PIP5K1C: variants seen among roughly 807,000 people sequenced by gnomAD.
The protein encoded by PIP5K1C is phosphatidylinositol 4-phosphate 5-kinase type-1 gamma.
A neutral mutation model predicts 80.1 loss-of-function variants in PIP5K1C; 45 were observed. That is an observed-to-expected ratio of 0.56 (90% CI 0.44 to 0.72). PIP5K1C has a LOEUF of 0.72. PIP5K1C is among the 30% of genes least tolerant of loss of function. PIP5K1C has a pLI of 0.00. For synonymous variants in PIP5K1C, 498 were observed against 420.1 expected (o/e 1.19, Z -2.27); for missense variants, 753 against 954.6 (o/e 0.79, Z 2.78).
At chr19:3,685,795 T>C (rs570223319) in intron 1 of PIP5K1C, among the ~76,000 whole-genome samples, 32 of 152,258 alleles carry the variant, frequency 2.1e-4, no homozygotes, top group African/African-American at 7.7e-4. Flanking sequence ...GTCTGGCTCC[T>C]TAAGTGCTAC....
chr19:3,700,288 G>A lies in PIP5K1C; in HGVS notation c.94+9C>T, dbSNP rs1172360123. The A allele has an allele frequency of 1.6e-6, 2 of 1,268,090 alleles. No homozygotes were observed. Among genetic ancestry groups the A allele is most frequent in the African/African-American group, 3.2e-5 (2 of 63,076 alleles). The allele number at this position is 1,268,090 out of a possible 1,614,324, so 78.6% of individuals were successfully genotyped here. Reference sequence around the variant, plus strand: ...AGCGGGCCGCAGCCCCGGGAGGCCGGGCCGTTACCTGCCGCCGCCCCGCTC... The same window carrying A: ...AGCGGGCCGCAGCCCCGGGAGGCCGAGCCGTTACCTGCCGCCGCCCCGCTC... On this transcript the variant is annotated intron_variant, in intron 1 of 17. Transcript: ENST00000335312.
intron 7 of PIP5K1C, among the ~76,000 whole-genome samples, chr19:3,652,430 G>A (rs1182715872): frequency 6.6e-6 from 1 of 152,220 alleles, no homozygotes; most frequent in Non-Finnish European, 1.5e-5. Flanking sequence ...TAGCCTCAAG[G>A]CCCCTGAGTG....
chr19:3,638,921 G>A lies in PIP5K1C; in HGVS notation c.1883C>T (p.Ser628Leu), dbSNP rs760888987. 4.3e-6 allele frequency: 7 copies of A among 1,612,582 alleles called. No individual in the cohort carries two copies. Among genetic ancestry groups the A allele is most frequent in the Non-Finnish European group, 5.9e-6 (7 of 1,179,920 alleles). ...GGTGGCGGGCGCGTCCTCCTCGTCC[G>A]AGGCCTGGCTGGCAGGTGCGCCCTC... ...DEEGAPASQA[S>L]DEEDAPATDI... Residue 628 changes from serine (S) to leucine (L), a missense_variant, in exon 16 of 18, where the codon TCG becomes TTG. Transcript: ENST00000335312.
At chr19:3,689,371 C>A (rs775029386) in intron 1 of PIP5K1C, among the ~76,000 whole-genome samples, 1 of 152,278 alleles carries the variant, frequency 6.6e-6, no homozygotes, top group East Asian at 1.9e-4. Flanking sequence ...CACAAACAGG[C>A]CTGGCGCAGT....
At chr19:3,638,608 CAG>C (rs1412999391) in intron 16 of PIP5K1C, among the ~76,000 whole-genome samples, 2 of 152,184 alleles carry the variant, frequency 1.3e-5, no homozygotes, top group Non-Finnish European at 2.9e-5. Flanking sequence ...GGGAAGGGGA[CAG>C]GGGTGGCTCT....
intron 1 of PIP5K1C, chr19:3,668,295 G>C (rs1259972374): frequency 2.0e-5 from 3 of 152,184 alleles, no homozygotes; most frequent in African/African-American, 7.2e-5. Context: ...TGGAGAACGG[G>C]AACAGACTCT....
chr19:3,677,190 C>A (rs1170338122), intron 1 of PIP5K1C, among the ~76,000 whole-genome samples: 2 of 152,030 alleles, frequency 1.3e-5, no homozygotes, highest in East Asian at 3.9e-4. Context: ...ACCACAAGAC[C>A]AGGGGTGTGG....
intron 15 of PIP5K1C, among the ~76,000 whole-genome samples, chr19:3,640,187 G>A (rs2033902306): frequency 1.3e-5 from 2 of 152,306 alleles, no homozygotes; most frequent in South Asian, 4.1e-4. Context: ...GTGCAAGCAT[G>A]GGATTATACA....
At chr19:3,683,775 C>T (rs2035663865) in intron 1 of PIP5K1C, among the ~76,000 whole-genome samples, 1 of 152,136 alleles carries the variant, frequency 6.6e-6, no homozygotes, top group African/African-American at 2.4e-5. Context: ...GTACGGAGGC[C>T]CCGGGGCAGG....
intron 1 of PIP5K1C, among the ~76,000 whole-genome samples, chr19:3,677,440 G>T (rs1163489183): frequency 6.6e-6 from 1 of 151,782 alleles, no homozygotes; most frequent in Non-Finnish European, 1.5e-5. Flanking sequence ...AAAATTAGGC[G>T]GGTGTGGTGG....
chr19:3,643,277 A>G lies in PIP5K1C; in HGVS notation c.1615T>C (p.Ser539Pro), dbSNP rs79423827. 6.2e-7 allele frequency: 1 copy of G among 1,613,634 alleles called. No homozygotes were observed. The highest frequency in any genetic ancestry group is 8.5e-7 in the Non-Finnish European group (1 of 1,179,898). The change falls in exon 13 of 18, where the codon TCC (serine) becomes CCC (proline). Residue 539 changes from serine to proline, a missense_variant. By Grantham distance (74) the Ser-to-Pro change is moderately conservative. This residue lies in a region of PIP5K1C where 315 missense variants were observed against 294.5 expected (regional missense o/e 1.07). Transcript: ENST00000335312. ...SSTSLSIPER[S>P]PSETSEQPRY... is the part of the protein sequence containing the mutation. ...GGCTGCTCCGACGTCTCCGAGGGGG[A>G]CCGCTCAGGAATGGAGAGGGATGTG...
At chr19:3,654,097 G>T (rs1710411742) in intron 6 of PIP5K1C, among the ~76,000 whole-genome samples, 1 of 152,184 alleles carries the variant, frequency 6.6e-6, no homozygotes, top group Non-Finnish European at 1.5e-5. Flanking sequence ...CACCTCCAGG[G>T]CTCAAACCAT....
intron 8 of PIP5K1C, among the ~76,000 whole-genome samples, chr19:3,650,668 C>T (rs1347004448): frequency 6.6e-6 from 1 of 152,240 alleles, no homozygotes; most frequent in Admixed American, 6.5e-5. Context: ...CTGCCTGGTC[C>T]CTCTGCCCCT....
chr19:3,637,079 G>A lies in PIP5K1C; in HGVS notation c.1920+1805C>T. The A allele has an allele frequency of 8.1e-7, 1 of 1,242,036 alleles. No individual in the cohort carries two copies. Among genetic ancestry groups the A allele is most frequent in the Non-Finnish European group, 1.0e-6 (1 of 986,272 alleles). The allele number at this position is 1,242,036 out of a possible 1,614,324, so 76.9% of individuals were successfully genotyped here. A position where few individuals can be genotyped will look rare whatever the true frequency, so the allele number is the denominator to read the frequency against. On this transcript the variant is annotated intron_variant, in intron 16 of 17. Transcript: ENST00000335312. This position sits in a 1 kb window ranked among gnomAD's most constrained non-coding sequence, Gnocchi z 7.0. ...ATCTCCTCCCCGTCTCCATGGCCCT[G>A]CGGTTCAGAGCCCGGCCCTGCAGCC... is the stretch of plus-strand genomic sequence containing the variant.
At chr19:3,653,960 A>G (rs1054853488) in intron 6 of PIP5K1C, among the ~76,000 whole-genome samples, 2 of 152,170 alleles carry the variant, frequency 1.3e-5, no homozygotes, top group African/African-American at 4.8e-5. Flanking sequence ...AAATACATAC[A>G]TGTATGTATA....
At chr19:3,644,459 C>T (rs1055837425) in intron 11 of PIP5K1C, among the ~76,000 whole-genome samples, 6 of 152,170 alleles carry the variant, frequency 3.9e-5, no homozygotes, top group Non-Finnish European at 7.4e-5. Context: ...GTCCTGCCCA[C>T]CCGACTGTCT....
intron 14 of PIP5K1C, among the ~76,000 whole-genome samples, chr19:3,642,028 G>A (rs1366281332): frequency 6.6e-6 from 1 of 152,170 alleles, no homozygotes; most frequent in African/African-American, 2.4e-5. Flanking sequence ...CGGGCTCTGG[G>A]GGCATATGAG....
intron 1 of PIP5K1C, among the ~76,000 whole-genome samples, chr19:3,687,753 C>T (rs577905043): frequency 1.4e-3 from 216 of 152,282 alleles, no homozygotes; most frequent in African/African-American, 5.0e-3. Flanking sequence ...AGTAGTAGGC[C>T]GCCCCTCTTC....
At chr19:3,674,851 G>C (rs1387730433) in intron 1 of PIP5K1C, among the ~76,000 whole-genome samples, 3 of 152,192 alleles carry the variant, frequency 2.0e-5, no homozygotes, top group African/African-American at 7.2e-5. Flanking sequence ...TAATTCCTTT[G>C]TCTTACTTGG....
Sources: gnomAD v4.1 joint callset for allele counts (sites outside exome capture counted in the v4.1 genomes callset) on GRCh38, gnomAD v4.1.1 for gene constraint, gnomAD v4.1.1 regional missense constraint, Gnocchi (gnomAD v3.1) non-coding constraint, MANE v1.5 for transcripts, NCBI Gene and HGNC (gene_info 2026-07-23, HGNC 2026-07-21) for gene names.